MYO10: variants seen among roughly 807,000 people sequenced by gnomAD.
MYO10 encodes unconventional myosin-X.
MYO10 carries 133 observed loss-of-function variants against 257.3 expected under a neutral mutation model. The observed-to-expected ratio is 0.52, with a 90% CI of 0.45 to 0.60. The LOEUF is 0.60. MYO10 is among the 20% of genes least tolerant of loss of function. The probability of loss-of-function intolerance (pLI) is 0.00; values close to 1 mark genes in which losing one functional copy is unlikely to be tolerated. For synonymous variants in MYO10, 1,104 were observed against 1,028.6 expected, an observed-to-expected ratio of 1.07 and a Z score of -1.40; for missense variants, 2,399 against 2,635.7, an observed-to-expected ratio of 0.91 and a Z score of 1.97.
chr5:16,777,277 G>A (rs1417752341), intron 9 of MYO10, among the ~76,000 whole-genome samples: 1 of 152,130 alleles, frequency 6.6e-6, no homozygotes, highest in African/African-American at 2.4e-5. Flanking sequence ...GCGAGAAACC[G>A]CTCTGCATTA....
intron 2 of MYO10, among the ~76,000 whole-genome samples, chr5:16,848,155 C>CTTTTTT (rs371042891): frequency 6.2e-5 from 7 of 113,562 alleles, no homozygotes; most frequent in African/African-American, 7.5e-5. Flanking sequence ...CTACACATTT[C>CTTTTTT]TTTTTTTTTT....
chr5:16,781,656 C>T, intron 6 of MYO10, 49 bp downstream of exon 6: 1 of 1,547,500 alleles, frequency 6.5e-7, no homozygotes, highest in Non-Finnish European at 8.8e-7. Context: ...AGAACAGTTT[C>T]CACTTAGAGA....
In MYO10 at chr5:16,668,158, G is replaced by A. The variant is rs539117509; in HGVS notation, c.6075+119C>T. The stretch of plus-strand genomic sequence containing the variant: ...AAAGGGACCACCACACTGTATTTTC[G>A]TGTTTTGAAGAAAAATATTCAAAGA... On this transcript the variant is annotated intron_variant, in intron 40 of 40. Coordinates refer to ENST00000513610, the MANE Select transcript of MYO10 (RefSeq NM_012334.3). 4.1e-5 allele frequency: 45 copies of A among 1,105,776 alleles called. 1 individual carries two copies. Among genetic ancestry groups the A allele is most frequent in the African/African-American group, 1.1e-4 (7 of 63,476 alleles). The allele number at this position is 1,105,776 out of a possible 1,614,324, so 68.5% of individuals were successfully genotyped here.
intron 2 of MYO10, among the ~76,000 whole-genome samples, chr5:16,848,490 T>A (rs1028537946): frequency 6.6e-6 from 1 of 152,080 alleles, no homozygotes; most frequent in Non-Finnish European, 1.5e-5. Context: ...GAAATTAAGA[T>A]CAAATGCTGC....
intron 17 of MYO10, 120 bp downstream of exon 17, chr5:16,761,344 G>C: frequency 2.5e-6 from 2 of 786,322 alleles, no homozygotes; most frequent in Non-Finnish European, 2.1e-6. Flanking sequence ...AGTATTACCT[G>C]GGAAAAACAA....
At position 16,816,863 on chromosome 5, in the gene MYO10, A is replaced by G. The variant is rs552663526; in HGVS notation, c.279+1146T>C. On this transcript the variant is annotated intron_variant, in intron 3 of 40. Coordinates refer to ENST00000513610, the MANE Select transcript of MYO10 (RefSeq NM_012334.3). Reference sequence around the variant, plus strand: ...GAGACAGAGTTTCGCTCTGTCACCCAGGCCGGAGTGCAGTGGCGCGATCTT... The same window carrying G: ...GAGACAGAGTTTCGCTCTGTCACCCGGGCCGGAGTGCAGTGGCGCGATCTT... Among the ~76,000 whole-genome samples, 50 of 112,824 alleles carry G rather than the reference A, an allele frequency of 4.4e-4. No homozygotes were observed. In the East Asian group the frequency reaches 0.013, roughly 29 times the overall value. 74.0% of individuals were successfully genotyped at this position (112,824 alleles called of 152,430 possible). A position where few individuals can be genotyped will look rare whatever the true frequency, so the allele number is the denominator to read the frequency against.
chr5:16,694,714 G>T, intron 26 of MYO10, 100 bp from the exon 27 acceptor site: 1 of 1,479,596 alleles, frequency 6.8e-7, no homozygotes, highest in Non-Finnish European at 9.2e-7. Context: ...GCCGAGCTTA[G>T]ACTCTGCCCC....
rs1270727214 is a variant in MYO10, at chr5:16,710,943, C to T, written c.2134G>A (p.Ala712Thr). 2.2e-5 allele frequency: 35 copies of T among 1,613,850 alleles called. No homozygotes were observed. The highest frequency in any genetic ancestry group is 2.7e-5 in the Non-Finnish European group (32 of 1,179,866). The change falls in exon 21 of 41, where the codon GCC (alanine) becomes ACC (threonine). Residue 712 changes from alanine to threonine, a missense_variant. Ala to Thr is a moderately conservative substitution (Grantham distance 58, BLOSUM62 0). Coordinates refer to ENST00000513610, the MANE Select transcript of MYO10 (RefSeq NM_012334.3). ...KCTSLLQLYDASNSEWQLGKT... is the reference protein window; with the variant it reads ...KCTSLLQLYDTSNSEWQLGKT... ...CCCAGCTGCCACTCGCTGTTGGAGG[C>T]ATCATAGAGCTGCAGCAGGCTCGTG...
At chr5:16,827,556 G>C (rs1743037768) in intron 2 of MYO10, among the ~76,000 whole-genome samples, 1 of 152,136 alleles carries the variant, frequency 6.6e-6, no homozygotes, top group African/African-American at 2.4e-5. Flanking sequence ...CAAAGTGTTG[G>C]GATTACAGGC....
chr5:16,743,286 G>A (rs1300814927), intron 19 of MYO10, among the ~76,000 whole-genome samples: 1 of 152,110 alleles, frequency 6.6e-6, no homozygotes, highest in Non-Finnish European at 1.5e-5. Flanking sequence ...TGATGCTTCT[G>A]CCCTCTCTAT....
chr5:16,846,291 T>C (rs1158159879), intron 2 of MYO10, among the ~76,000 whole-genome samples: 1 of 152,212 alleles, frequency 6.6e-6, no homozygotes, highest in Non-Finnish European at 1.5e-5. Context: ...GTTTCCTGCC[T>C]GCCAAACTTT....
In MYO10 at chr5:16,701,245, C is replaced by T. The variant is rs1268432948; in HGVS notation, c.3150G>A (p.Thr1050=). 5.0e-6 allele frequency: 8 copies of T among 1,613,050 alleles called. No homozygotes were observed. The Admixed American group carries it at 6.7e-5, about 13-fold the overall frequency. The change falls in exon 25 of 41, where the codon ACG becomes ACA. Residue 1050 remains threonine (T), a synonymous_variant. Transcript: ENST00000513610. This position sits in a 1 kb window ranked among gnomAD's most constrained non-coding sequence, Gnocchi z 8.1. ...VVPTSPSADS[T]VLLAPSVQDS... ...CCTGCACTGATGGGGCGAGCAGCAC[C>T]GTGCTGTCCGCACTGGGGCTGGTGG...
At chr5:16,760,181 G>A (rs1740662807) in intron 17 of MYO10, among the ~76,000 whole-genome samples, 1 of 151,720 alleles carries the variant, frequency 6.6e-6, no homozygotes, top group East Asian at 1.9e-4. Flanking sequence ...GCCGGGCATG[G>A]TGGCTCATGC....
chr5:16,893,633 CAAAAAAAA>C (rs58021066), intron 1 of MYO10, among the ~76,000 whole-genome samples: 5 of 57,218 alleles, frequency 8.7e-5, no homozygotes, highest in African/African-American at 1.2e-4. Flanking sequence ...GACTCTGTCT[CAAAAAAAA>C]AAAAAAAAAA....
At chr5:16,835,333 G>C (rs1743279392) in intron 2 of MYO10, among the ~76,000 whole-genome samples, 1 of 151,926 alleles carries the variant, frequency 6.6e-6, no homozygotes, top group African/African-American at 2.4e-5. Flanking sequence ...AGGAGTTCGA[G>C]ATCAGCCTGG....
At chr5:16,672,876 C>T (rs756389227) in intron 36 of MYO10, 51 bp from the exon 37 acceptor site, 3 of 1,586,152 alleles carry the variant, frequency 1.9e-6, no homozygotes, top group East Asian at 2.3e-5. Context: ...GGCCCCAACA[C>T]GTGTTCCCAG....
intron 26 of MYO10, among the ~76,000 whole-genome samples, chr5:16,697,766 C>T (rs1442609404): frequency 3.4e-5 from 5 of 146,856 alleles, no homozygotes; most frequent in Middle Eastern, 3.5e-3. Context: ...TGAAGAAAGA[C>T]GGCAATAAAA....
chr5:16,787,695 G>T lies in MYO10; in HGVS notation c.468-4226C>A, dbSNP rs1002118643. On this transcript the variant is annotated intron_variant, in intron 4 of 40. Transcript: ENST00000513610. ...CCCAAAGCACTGATGGGGGGCCACA[G>T]GCTGTATTAAAAATTGTGAGAATTT... 2.6e-5 allele frequency among the ~76,000 whole-genome samples: 4 copies of T among 151,268 alleles called. No individual in the cohort carries two copies. The East Asian group carries it at 7.7e-4, about 29-fold the overall frequency.
intron 1 of MYO10, among the ~76,000 whole-genome samples, chr5:16,923,615 C>A (rs1281787911): frequency 6.6e-6 from 1 of 151,072 alleles, no homozygotes; most frequent in Non-Finnish European, 1.5e-5. Flanking sequence ...ATTTCAAAGT[C>A]CAGAAAGATT....
Sources: gnomAD v4.1 joint callset for allele counts (sites outside exome capture counted in the v4.1 genomes callset) on GRCh38, gnomAD v4.1.1 for gene constraint, Gnocchi (gnomAD v3.1) non-coding constraint, MANE v1.5 for transcripts, NCBI Gene and HGNC (gene_info 2026-07-23, HGNC 2026-07-21) for gene names.